The following ZDHHC13 variants were observed in gnomAD, a reference collection of about 807,000 sequenced individuals.
ZDHHC13 encodes the protein zDHHC palmitoyltransferase 13, also known as palmitoyltransferase ZDHHC13.
ZDHHC13 carries 85 observed loss-of-function variants against 86.0 expected under a neutral mutation model. The ratio of observed to expected loss-of-function variants is 0.99; its 90% CI spans 0.83 to 1.18. ZDHHC13 has a LOEUF of 1.18. Ranked by LOEUF, ZDHHC13 falls within the 50% of genes most tolerant of loss-of-function variation. The probability of loss-of-function intolerance (pLI) is 0.00; values close to 1 mark genes in which losing one functional copy is unlikely to be tolerated. For synonymous variants in ZDHHC13, 263 were observed against 246.4 expected (o/e 1.07, Z -0.63); for missense variants, 711 against 730.2 (o/e 0.97, Z 0.30).
intron 1 of ZDHHC13, among the ~76,000 whole-genome samples, chr11:19,136,386 A>G (rs1298471440): frequency 1.3e-5 from 2 of 152,204 alleles, no homozygotes; most frequent in Non-Finnish European, 2.9e-5. Flanking sequence ...AAGAATAAAA[A>G]GAAACGAGCA....
rs947755731 is a variant in ZDHHC13 at position 19,117,218 on chromosome 11, A to G, written c.-32A>G. On this transcript the variant is annotated 5_prime_UTR_variant, in exon 1 of 17. Transcript: ENST00000446113. This position sits in a 1 kb window ranked among gnomAD's most constrained non-coding sequence, Gnocchi z 4.2. ...GGCTGGCGGCAGTCGCTACTTGCCT[A>G]GTAGCCTCAGCCGCTGTGGGCTCCT... 3.8e-5 allele frequency: 58 copies of G among 1,529,820 alleles called. No individual in the cohort carries two copies. Among genetic ancestry groups the G allele is most frequent in the Non-Finnish European group, 5.0e-5 (57 of 1,141,514 alleles). The allele number at this position is 1,529,820 out of a possible 1,614,324, so 94.8% of individuals were successfully genotyped here. A position where few individuals can be genotyped will look rare whatever the true frequency, so the allele number is the denominator to read the frequency against.
At chr11:19,135,797 C>A (rs547815827) in intron 1 of ZDHHC13, among the ~76,000 whole-genome samples, 79 of 152,322 alleles carry the variant, frequency 5.2e-4, no homozygotes, top group African/African-American at 1.8e-3. Context: ...TGGGAGGCAC[C>A]CCCCAGCAGG....
intron 14 of ZDHHC13, chr11:19,168,757 C>T: frequency 1.8e-5 from 17 of 968,370 alleles, no homozygotes; most frequent in Non-Finnish European, 2.1e-5. Context: ...CTGCTCTATA[C>T]TCTCCTTCTC....
At chr11:19,131,306 T>G (rs1332437499) in intron 1 of ZDHHC13, among the ~76,000 whole-genome samples, 1 of 152,126 alleles carries the variant, frequency 6.6e-6, no homozygotes, top group Non-Finnish European at 1.5e-5. Flanking sequence ...TTAAGATCTC[T>G]TTATTACTGA....
At chr11:19,120,269 A>G (rs182188015) in intron 1 of ZDHHC13, among the ~76,000 whole-genome samples, 1 of 152,342 alleles carries the variant, frequency 6.6e-6, no homozygotes, top group Admixed American at 6.5e-5. Context: ...CTGTTCCACC[A>G]TGTCTAGAGC....
Position 19,169,918 on chromosome 11 carries a change from C to T in ZDHHC13, c.1475-493C>T, listed in dbSNP as rs939745373. ...TATGGTGTCAGTGCAGAAGTATACC[C>T]ATGCCCAGCTCCCTGCATGCTATTA... On this transcript the variant is annotated intron_variant, in intron 14 of 16. Coordinates refer to ENST00000446113, the MANE Select transcript of ZDHHC13 (RefSeq NM_019028.3). 1.1e-5 allele frequency: 11 copies of T among 987,672 alleles called. No individual in the cohort carries two copies. In the Admixed American group the frequency reaches 4.2e-4, roughly 38 times the overall value. 61.2% of individuals were successfully genotyped at this position (987,672 alleles called of 1,614,324 possible).
chr11:19,152,045 A>G, intron 6 of ZDHHC13, 113 bp from the exon 7 acceptor site: 2 of 1,151,046 alleles, frequency 1.7e-6, no homozygotes, highest in Non-Finnish European at 2.4e-6. Flanking sequence ...AGTTCTGAAT[A>G]CTTAACTGAA....
At chr11:19,126,292 A>G (rs149828230) in intron 1 of ZDHHC13, among the ~76,000 whole-genome samples, 138 of 149,878 alleles carry the variant, frequency 9.2e-4, no homozygotes, top group African/African-American at 3.1e-3. Flanking sequence ...TCCACCCTCA[A>G]GTATACCCCA....
intron 13 of ZDHHC13, 126 bp from the exon 14 acceptor site, chr11:19,166,176 A>G: frequency 1.4e-6 from 1 of 730,838 alleles, no homozygotes; most frequent in Admixed American, 2.9e-5. Flanking sequence ...CTTAAAAGCA[A>G]AGCAACAGCT....
At position 19,170,482 on chromosome 11, in the gene ZDHHC13, T is replaced by TGTTC. The variant is rs1565043983; in HGVS notation, c.1547_1550dup (p.Pro518PhefsTer38). On this transcript the variant is annotated frameshift_variant, in exon 15 of 17. Transcript: ENST00000446113. LOFTEE classifies it high-confidence loss of function. Reference sequence around the variant, plus strand: ...GACTTACCTCAATCAGATTGTGGCCTGTTCCCCTTGGGTTTTATATATCTT... The same window carrying TGTTC: ...GACTTACCTCAATCAGATTGTGGCCTGTTCGTTCCCCTTGGGTTTTATATATCTT... 10 of 1,539,242 alleles carry TGTTC rather than the reference T, an allele frequency of 6.5e-6. No individual in the cohort carries two copies. In the Admixed American group the frequency reaches 8.2e-5, roughly 13 times the overall value.
At chr11:19,141,883 T>A (rs1849330306) in intron 1 of ZDHHC13, among the ~76,000 whole-genome samples, 1 of 152,170 alleles carries the variant, frequency 6.6e-6, no homozygotes, top group Non-Finnish European at 1.5e-5. Context: ...TGGGACTATC[T>A]TGGCAGTCAT....
chr11:19,136,050 G>A (rs1444285603), intron 1 of ZDHHC13, among the ~76,000 whole-genome samples: 8 of 151,380 alleles, frequency 5.3e-5, no homozygotes, highest in African/African-American at 1.2e-4. Context: ...TTCCTCACCA[G>A]CAACGGAACA....
At chr11:19,145,100 C>T (rs1322234234) in intron 2 of ZDHHC13, among the ~76,000 whole-genome samples, 1 of 151,438 alleles carries the variant, frequency 6.6e-6, no homozygotes, top group Non-Finnish European at 1.5e-5. Context: ...CAAAGCAAGA[C>T]TCCATCTCAA....
chr11:19,144,954 C>CA (rs1174897642), intron 2 of ZDHHC13, among the ~76,000 whole-genome samples: 2 of 151,944 alleles, frequency 1.3e-5, no homozygotes, highest in Non-Finnish European at 2.9e-5. Flanking sequence ...ATTAAAAATA[C>CA]AAAAATTAGC....
intron 6 of ZDHHC13, among the ~76,000 whole-genome samples, chr11:19,151,058 T>C (rs940156290): frequency 6.6e-6 from 1 of 152,090 alleles, no homozygotes; most frequent in African/African-American, 2.4e-5. Context: ...CAAGTAGATA[T>C]ACCTTGAAAT....
intron 4 of ZDHHC13, among the ~76,000 whole-genome samples, chr11:19,148,332 T>A (rs1849523575): frequency 1.3e-5 from 2 of 152,072 alleles, no homozygotes; most frequent in Admixed American, 1.3e-4. Flanking sequence ...GTTGAATCTT[T>A]TCTCCATAGC....
chr11:19,119,214 G>C (rs1381740930), intron 1 of ZDHHC13, among the ~76,000 whole-genome samples: 1 of 152,066 alleles, frequency 6.6e-6, no homozygotes, highest in Non-Finnish European at 1.5e-5. Context: ...GGGTTCATAT[G>C]ATTCCCCTGC....
At chr11:19,160,049 C>G (rs901375510) in intron 10 of ZDHHC13, among the ~76,000 whole-genome samples, 1 of 151,944 alleles carries the variant, frequency 6.6e-6, no homozygotes, top group African/African-American at 2.4e-5. Context: ...AAAGAAAGAA[C>G]AGAATGTTTA....
rs183652210 is a variant in ZDHHC13, at chr11:19,158,983, T to C, written c.1051T>C (p.Phe351Leu). ...YKNLVYLPTA[F>L]LLSSVFWIFM... ...GAACCTTGTATACTTACCAACAGCC[T>C]TTCTGCTAAGTTCTGTTTTTTGGAT... The change falls in exon 10 of 17, where the codon TTT (phenylalanine) becomes CTT (leucine). Residue 351 changes from phenylalanine (F) to leucine (L), a missense_variant. Transcript: ENST00000446113. 4.4e-4 allele frequency: 680 copies of C among 1,549,862 alleles called. 1 individual carries two copies. In the African/African-American group the frequency reaches 8.5e-3, roughly 19 times the overall value.
Sources: gnomAD v4.1 joint callset for allele counts (sites outside exome capture counted in the v4.1 genomes callset) on GRCh38, gnomAD v4.1.1 for gene constraint, Gnocchi (gnomAD v3.1) non-coding constraint, MANE v1.5 for transcripts, NCBI Gene and HGNC (gene_info 2026-07-23, HGNC 2026-07-21) for gene names.